Variants in RARB observed in about 807,000 individuals in gnomAD.
RARB encodes HBV-activated protein.
In RARB, 17 loss-of-function variants were observed where a neutral mutation model predicts 51.9. The ratio of observed to expected loss-of-function variants is 0.33; its 90% CI spans 0.22 to 0.49. The LOEUF (loss-of-function observed/expected upper bound fraction) is 0.49. Ranked by LOEUF, RARB falls within the 20% of genes least tolerant of loss-of-function variation. The pLI is 0.99. For missense variants in RARB, 369 were observed against 550.8 expected (o/e 0.67, Z 3.30); for synonymous variants, 215 against 195.4 (o/e 1.10, Z -0.84).
At chr3:25,481,395 GT>G (rs1696216880) in intron 2 of RARB, among the ~76,000 whole-genome samples, 1 of 152,156 alleles carries the variant, frequency 6.6e-6, no homozygotes, top group African/African-American at 2.4e-5. Context: ...AAAGAATTAT[GT>G]TTTTTGAATT....
At chr3:25,333,422 G>T (rs1425959092) in intron 5 of RARB, among the ~76,000 whole-genome samples, 1 of 152,098 alleles carries the variant, frequency 6.6e-6, no homozygotes, top group Admixed American at 6.5e-5. Flanking sequence ...AACAAGAAAT[G>T]GGGAAAGGAT....
chr3:25,061,064 C>A (rs1698538702), intron 3 of RARB, among the ~76,000 whole-genome samples: 2 of 151,766 alleles, frequency 1.3e-5, no homozygotes, highest in South Asian at 4.1e-4. Flanking sequence ...GTAGACATAA[C>A]TATTACCAGA....
At chr3:25,000,396 C>A (rs1192285521) in intron 2 of RARB, among the ~76,000 whole-genome samples, 3 of 152,038 alleles carry the variant, frequency 2.0e-5, no homozygotes, top group African/African-American at 7.2e-5. Context: ...ACTTATGGGG[C>A]CACAGTTAGT....
chr3:25,000,377 T>C (rs1364838991), intron 2 of RARB, among the ~76,000 whole-genome samples: 1 of 152,160 alleles, frequency 6.6e-6, no homozygotes, highest in Non-Finnish European at 1.5e-5. Context: ...CACTTGCATG[T>C]ACTAAATCAC....
intron 5 of RARB, chr3:25,260,041 G>C (rs999543636): frequency 2.1e-6 from 2 of 967,836 alleles, no homozygotes; most frequent in Admixed American, 6.2e-5. Context: ...CTTCCCCCAT[G>C]GTGTGAGTTC....
chr3:25,542,776 G>C (rs1699439607), intron 3 of RARB, among the ~76,000 whole-genome samples: 1 of 152,182 alleles, frequency 6.6e-6, no homozygotes, highest in African/African-American at 2.4e-5. Context: ...CAGGTAATTA[G>C]TAAATTTATG....
At chr3:25,412,806 G>C (rs2125501588) in intron 5 of RARB, among the ~76,000 whole-genome samples, 1 of 152,224 alleles carries the variant, frequency 6.6e-6, no homozygotes, top group South Asian at 2.1e-4. Context: ...GATCACCTCA[G>C]GTTGGGAGTT....
chr3:25,247,256 C>T (rs951143814), intron 5 of RARB, among the ~76,000 whole-genome samples: 2 of 152,338 alleles, frequency 1.3e-5, no homozygotes, highest in Non-Finnish European at 2.9e-5. Context: ...GCTTGCTGGG[C>T]TCTGTGGGAC....
intron 5 of RARB, among the ~76,000 whole-genome samples, chr3:25,408,025 C>T (rs1707460259): frequency 6.6e-6 from 1 of 152,098 alleles, no homozygotes; most frequent in African/African-American, 2.4e-5. Context: ...GTCTCATTTC[C>T]CCACTGACCT....
At chr3:25,508,762 C>G (rs1575472171) in intron 3 of RARB, among the ~76,000 whole-genome samples, 2 of 152,128 alleles carry the variant, frequency 1.3e-5, no homozygotes, top group South Asian at 2.1e-4. Context: ...GAAGAGCCCC[C>G]CAAAAGTAAG....
intron 3 of RARB, among the ~76,000 whole-genome samples, chr3:25,124,366 TG>T (rs1699830285): frequency 6.6e-6 from 1 of 152,208 alleles, no homozygotes; most frequent in South Asian, 2.1e-4. Flanking sequence ...AGACTGAGAC[TG>T]TCTCAAAAAG....
At chr3:25,074,647 T>C (rs578080383) in intron 3 of RARB, among the ~76,000 whole-genome samples, 1 of 152,298 alleles carries the variant, frequency 6.6e-6, no homozygotes, top group Admixed American at 6.5e-5. Flanking sequence ...AAAAAATTAG[T>C]TGATTAATTT....
At chr3:25,274,463 A>T (rs1054628231) in intron 5 of RARB, among the ~76,000 whole-genome samples, 12 of 152,276 alleles carry the variant, frequency 7.9e-5, no homozygotes, top group Admixed American at 2.0e-4. Context: ...CTGCCAATTT[A>T]TACAGGGTGA....
At chr3:25,255,312 C>A (rs1353476723) in intron 5 of RARB, among the ~76,000 whole-genome samples, 1 of 152,092 alleles carries the variant, frequency 6.6e-6, no homozygotes, top group Non-Finnish European at 1.5e-5. Context: ...CAGTGACTAG[C>A]GGTAAGTGAT....
At chr3:25,101,649 G>GT (rs373919940) in intron 3 of RARB, among the ~76,000 whole-genome samples, 2,839 of 138,742 alleles carry the variant, frequency 0.02, 70 homozygotes, top group African/African-American at 0.063. Flanking sequence ...AAATCTTTAT[G>GT]TTTTTTTTTT....
intron 5 of RARB, among the ~76,000 whole-genome samples, chr3:25,300,838 A>T (rs186681676): frequency 2.6e-3 from 387 of 150,536 alleles, no homozygotes; most frequent in Admixed American, 3.8e-3. Flanking sequence ...AAAATAAAAT[A>T]AAAAAAAAAT....
At chr3:24,901,418 CTTT>C (rs1703602345) in intron 2 of RARB, among the ~76,000 whole-genome samples, 1 of 152,126 alleles carries the variant, frequency 6.6e-6, no homozygotes, top group Non-Finnish European at 1.5e-5. Flanking sequence ...ATATTTTTTA[CTTT>C]TTTGAGACAG....
intron 2 of RARB, among the ~76,000 whole-genome samples, chr3:24,928,559 A>T (rs1051785433): frequency 1.3e-5 from 2 of 151,932 alleles, no homozygotes; most frequent in African/African-American, 4.8e-5. Flanking sequence ...AATTATTTTT[A>T]ATTTAGACTC....
intron 4 of RARB, among the ~76,000 whole-genome samples, chr3:25,140,763 C>T (rs1286517311): frequency 6.6e-6 from 1 of 151,928 alleles, no homozygotes; most frequent in African/African-American, 2.4e-5. Context: ...GTATAGAAAA[C>T]TTCATTATTA....
Sources: allele counts gnomAD v4.1 joint callset (sites outside exome capture counted in the v4.1 genomes callset), GRCh38; gene constraint gnomAD v4.1.1; transcripts MANE v1.5; gene names NCBI Gene and HGNC (gene_info 2026-07-23, HGNC 2026-07-21).